The following SLC4A7 variants were observed in gnomAD, a reference collection of about 807,000 sequenced individuals.
SLC4A7 encodes sodium bicarbonate cotransporter 3.
Under a neutral mutation model 137.6 loss-of-function variants are expected in SLC4A7, and 51 were observed. That is an observed-to-expected ratio of 0.37 (90% CI 0.30 to 0.47). The LOEUF is 0.47. Among genes scored for constraint, SLC4A7 ranks in the 20% least tolerant of loss-of-function variants. The probability of loss-of-function intolerance (pLI) is 1.00; values close to 1 mark genes in which losing one functional copy is unlikely to be tolerated. For synonymous variants in SLC4A7, 542 were observed against 518.6 expected (o/e 1.05, Z -0.61); for missense variants, 1,247 against 1,525.4 (o/e 0.82, Z 3.04).
At chr3:27,483,479 G>A (rs2059803191) in intron 1 of SLC4A7, among the ~76,000 whole-genome samples, 1 of 152,196 alleles carries the variant, frequency 6.6e-6, no homozygotes, top group Admixed American at 6.5e-5. Flanking sequence ...AGCCTTGGCC[G>A]GGAAGGAGCG....
rs201941653 is a variant in SLC4A7 at position 27,445,963 on chromosome 3, AATATATATATATAT to A, written c.289+2674_289+2687del. Among the ~76,000 whole-genome samples, 6 of 37,498 alleles carry A rather than the reference AATATATATATATAT, an allele frequency of 1.6e-4. 1 individual carries two copies. The highest frequency in any genetic ancestry group is 3.2e-4 in the African/African-American group (3 of 9,410). 24.6% of individuals were successfully genotyped at this position (37,498 alleles called of 152,430 possible). A position where few individuals can be genotyped will look rare whatever the true frequency, so the allele number is the denominator to read the frequency against. ...AAAAAAAAAAAAAAAAAAAAAAAAA[AATATATATATATAT>A]ATATATATATATATAGTGCCCTTGA... is the stretch of plus-strand genomic sequence containing the variant. On this transcript the variant is annotated intron_variant, in intron 3 of 25. Transcript: ENST00000454389.
At chr3:27,429,467 T>C (rs905375093) in intron 7 of SLC4A7, among the ~76,000 whole-genome samples, 1 of 152,156 alleles carries the variant, frequency 6.6e-6, no homozygotes, top group African/African-American at 2.4e-5. Flanking sequence ...CGAGTCTGTA[T>C]ATGATTCCAG....
At chr3:27,449,821 A>C (rs764691622) in intron 2 of SLC4A7, among the ~76,000 whole-genome samples, 6 of 152,206 alleles carry the variant, frequency 3.9e-5, no homozygotes, top group Non-Finnish European at 8.8e-5. Flanking sequence ...TGAAATACAA[A>C]TGATTAATGA....
chr3:27,411,096 T>A (rs879428540), intron 12 of SLC4A7, among the ~76,000 whole-genome samples: 3 of 152,218 alleles, frequency 2.0e-5, no homozygotes, highest in Non-Finnish European at 4.4e-5. Flanking sequence ...TAAGGCAATG[T>A]TTGCATCTGC....
rs533999407 is a variant in SLC4A7 at position 27,480,300 on chromosome 3, C to G, written c.60+3767G>C. Among the ~76,000 whole-genome samples the G allele has an allele frequency of 1.5e-3, 229 of 152,298 alleles. 1 individual carries two copies. Among genetic ancestry groups the G allele is most frequent in the Non-Finnish European group, 2.2e-3 (151 of 68,016 alleles). On this transcript the variant is annotated intron_variant, in intron 1 of 25. Transcript: ENST00000454389. ...CCAGGCTGCAGTGCAATGGCATAAT[C>G]ACAGCTCACTGCAGCCTCAACCTCC...
At chr3:27,471,298 G>C (rs754721170) in intron 1 of SLC4A7, among the ~76,000 whole-genome samples, 2 of 152,164 alleles carry the variant, frequency 1.3e-5, no homozygotes, top group Non-Finnish European at 2.9e-5. Flanking sequence ...TGAATATTTG[G>C]GGTATATCCT....
intron 22 of SLC4A7, 107 bp from the exon 23 acceptor site, chr3:27,386,130 T>G: frequency 1.3e-6 from 1 of 771,418 alleles, no homozygotes; most frequent in Admixed American, 3.0e-5. Context: ...TTCATATAGT[T>G]TAAAAATTAT....
chr3:27,467,240 T>TG (rs1377246222), intron 1 of SLC4A7, among the ~76,000 whole-genome samples: 1 of 152,192 alleles, frequency 6.6e-6, no homozygotes, highest in Non-Finnish European at 1.5e-5. Context: ...GTAACACAGC[T>TG]GATCATTATT....
intron 18 of SLC4A7, among the ~76,000 whole-genome samples, chr3:27,397,184 C>G (rs921173903): frequency 6.6e-6 from 1 of 152,114 alleles, no homozygotes; most frequent in Admixed American, 6.6e-5. Context: ...CCCGCCACCA[C>G]GCCTGGCTAA....
At chr3:27,406,446 AT>A (rs1206441813) in intron 13 of SLC4A7, among the ~76,000 whole-genome samples, 2 of 152,158 alleles carry the variant, frequency 1.3e-5, no homozygotes, top group African/African-American at 2.4e-5. Context: ...AGATAAACAA[AT>A]TTATCTTTTG....
At chr3:27,474,794 A>G (rs1334838664) in intron 1 of SLC4A7, among the ~76,000 whole-genome samples, 2 of 152,162 alleles carry the variant, frequency 1.3e-5, no homozygotes, top group Admixed American at 1.3e-4. Flanking sequence ...TTGTCAACAC[A>G]TCATATCCTT....
chr3:27,438,955 G>C (rs534519639), intron 3 of SLC4A7, among the ~76,000 whole-genome samples: 3 of 152,180 alleles, frequency 2.0e-5, no homozygotes, highest in Non-Finnish European at 4.4e-5. Flanking sequence ...TAAACTACTT[G>C]TGTAGTATAG....
Position 27,484,128 on chromosome 3 carries a change from G to A in SLC4A7, c.-2C>T. 7.3e-7 allele frequency: 1 copy of A among 1,378,456 alleles called. No individual in the cohort carries two copies. Among genetic ancestry groups the A allele is most frequent in the East Asian group, 3.2e-5 (1 of 31,632 alleles). 85.4% of individuals were successfully genotyped at this position (1,378,456 alleles called of 1,614,324 possible). On this transcript the variant is annotated 5_prime_UTR_variant, in exon 1 of 26. Transcript: ENST00000454389. The stretch of plus-strand genomic sequence containing the variant: ...CTCGCCGGCCCCATCAGCCTCCATG[G>A]CCGGCCGGCCAGCCCGTGACGGCCG...
intron 1 of SLC4A7, among the ~76,000 whole-genome samples, chr3:27,482,097 C>T (rs544608722): frequency 3.9e-5 from 6 of 152,290 alleles, no homozygotes; most frequent in South Asian, 4.1e-4. Context: ...CAGGCCATTG[C>T]GCTCCAGCCT....
intron 5 of SLC4A7, 32 bp downstream of exon 5, chr3:27,436,356 T>TA (rs1471800047): frequency 6.4e-7 from 1 of 1,554,050 alleles, no homozygotes; most frequent in Non-Finnish European, 8.8e-7. Flanking sequence ...CACTACACCT[T>TA]ACATATTTTT....
chr3:27,446,156 A>G (rs2057618258), intron 3 of SLC4A7, among the ~76,000 whole-genome samples: 2 of 150,852 alleles, frequency 1.3e-5, no homozygotes, highest in South Asian at 4.2e-4. Flanking sequence ...CATACTGTAC[A>G]CCTTAAATGT....
chr3:27,418,286 A>G (rs2054591292), intron 11 of SLC4A7, among the ~76,000 whole-genome samples, 200 bp downstream of exon 11: 1 of 152,246 alleles, frequency 6.6e-6, no homozygotes, highest in Non-Finnish European at 1.5e-5. Flanking sequence ...CATAGTTTCA[A>G]GTACTGAATG....
chr3:27,457,012 A>G, intron 1 of SLC4A7: 1 of 719,796 alleles, frequency 1.4e-6, no homozygotes, highest in African/African-American at 1.9e-5. Context: ...TACTCTAAGA[A>G]TATATGTGGA....
Position 27,484,230 on chromosome 3 carries a change from G to T in SLC4A7, c.-104C>A. ...CGCCGCCGAGCCCCCGGCGCGCGAG[G>T]ACAAACGTGGGTGCGTCCGTGCGCG... On this transcript the variant is annotated 5_prime_UTR_variant, in exon 1 of 26. Transcript: ENST00000454389. 1.0e-6 allele frequency: 1 copy of T among 994,552 alleles called. No individual in the cohort carries two copies. The highest frequency in any genetic ancestry group is 1.3e-6 in the Non-Finnish European group (1 of 775,034). 61.6% of individuals were successfully genotyped at this position (994,552 alleles called of 1,614,324 possible).
Sources: gnomAD v4.1 joint callset for allele counts (sites outside exome capture counted in the v4.1 genomes callset) on GRCh38, gnomAD v4.1.1 for gene constraint, MANE v1.5 for transcripts, NCBI Gene and HGNC (gene_info 2026-07-23, HGNC 2026-07-21) for gene names.